Variants in ADGRD1 observed in about 807,000 individuals in gnomAD.
ADGRD1 encodes adhesion G protein-coupled receptor D1.
A neutral mutation model predicts 113.4 loss-of-function variants in ADGRD1; 77 were observed. The observed-to-expected ratio is 0.68, with a 90% CI of 0.57 to 0.82. ADGRD1 has a LOEUF of 0.82. Among genes scored for constraint, ADGRD1 ranks in the 40% least tolerant of loss-of-function variants. The pLI is 0.00. For synonymous variants in ADGRD1, 474 were observed against 475.0 expected (o/e 1.00, Z 0.03); for missense variants, 1,036 against 1,139.1 (o/e 0.91, Z 1.30).
At chr12:130,994,287 G>T (rs1029228695) in intron 8 of ADGRD1, 19 of 449,164 alleles carry the variant, frequency 4.2e-5, no homozygotes, top group African/African-American at 8.0e-5. Flanking sequence ...TTATTAATAC[G>T]AACACTCTTG....
chr12:131,136,748 A>G (rs1951097892), intron 22 of ADGRD1, among the ~76,000 whole-genome samples: 1 of 152,216 alleles, frequency 6.6e-6, no homozygotes, highest in Admixed American at 6.5e-5. Flanking sequence ...ACCTATGCCC[A>G]CGCAGCACCC....
intron 17 of ADGRD1, 139 bp from the exon 18 acceptor site, chr12:131,108,585 C>G: frequency 8.3e-7 from 1 of 1,202,618 alleles, no homozygotes; most frequent in Non-Finnish European, 1.2e-6. Flanking sequence ...GCTTGAGCAA[C>G]AGGAAGATAC....
At chr12:130,975,284 A>G (rs1370936378) in intron 4 of ADGRD1, among the ~76,000 whole-genome samples, 9 of 152,016 alleles carry the variant, frequency 5.9e-5, no homozygotes. Context: ...TCTTCCCACA[A>G]CTTGCACGGC....
At chr12:131,109,734 C>G (rs934716599) in intron 18 of ADGRD1, among the ~76,000 whole-genome samples, 1 of 152,158 alleles carries the variant, frequency 6.6e-6, no homozygotes, top group Non-Finnish European at 1.5e-5. Flanking sequence ...CTACAGATAC[C>G]TGTTAGGCCT....
intron 13 of ADGRD1, among the ~76,000 whole-genome samples, chr12:131,018,171 C>T (rs1163631066): frequency 2.0e-5 from 3 of 152,116 alleles, no homozygotes; most frequent in East Asian, 1.9e-4. Flanking sequence ...AGGGGCCTCA[C>T]GCCTATCCGC....
In ADGRD1 at chr12:131,025,922, G is replaced by A. The variant is rs1593065391; in HGVS notation, c.1473+11582G>A. The A allele has an allele frequency of 5.2e-5, 8 of 152,426 alleles. 1 individual carries two copies. The highest frequency in any genetic ancestry group is 4.6e-4 in the Admixed American group (7 of 15,310). 9.4% of individuals were successfully genotyped at this position (152,426 alleles called of 1,614,324 possible). On this transcript the variant is annotated intron_variant, in intron 13 of 24. Coordinates refer to ENST00000261654, the MANE Select transcript of ADGRD1 (RefSeq NM_198827.5). ...GTTGCAGGCCCATCCTGGAGGCTCTGAGGGGGCACCTGGTAAAGCCTGGGG... is the reference window on the plus strand; with the variant it reads ...GTTGCAGGCCCATCCTGGAGGCTCTAAGGGGGCACCTGGTAAAGCCTGGGG...
chr12:131,053,852 G>A (rs564277170), intron 13 of ADGRD1, among the ~76,000 whole-genome samples: 15 of 152,188 alleles, frequency 9.9e-5, no homozygotes, highest in Non-Finnish European at 2.2e-4. Flanking sequence ...AGCACCGATA[G>A]CCCACCAGTG....
chr12:131,077,077 G>A (rs1043092788), intron 14 of ADGRD1, among the ~76,000 whole-genome samples: 4 of 152,210 alleles, frequency 2.6e-5, no homozygotes, highest in Non-Finnish European at 5.9e-5. Flanking sequence ...CATGCGAGGA[G>A]GGGCCTGCTG....
chr12:130,995,554 G>A (rs1844037838), intron 8 of ADGRD1, among the ~76,000 whole-genome samples: 1 of 152,190 alleles, frequency 6.6e-6, no homozygotes, highest in African/African-American at 2.4e-5. Context: ...GTGGGGAGTA[G>A]AGAGAGGTAG....
At position 131,003,834 on chromosome 12, in the gene ADGRD1, C is replaced by A. The variant is rs1876714304; in HGVS notation, c.1145-352C>A. On this transcript the variant is annotated intron_variant, in intron 10 of 24. Coordinates refer to ENST00000261654, the MANE Select transcript of ADGRD1 (RefSeq NM_198827.5). The surrounding 1 kb of genome is among the most constrained non-coding windows in gnomAD (Gnocchi z 4.8). ...GTCGCAGTTTGTTGGCCGTGTTGCC[C>A]TCGCCTGCTGCGCTTGGGGAGGAGC... 2.6e-5 allele frequency among the ~76,000 whole-genome samples: 4 copies of A among 152,196 alleles called. No homozygotes were observed. Among genetic ancestry groups the A allele is most frequent in the Admixed American group, 2.0e-4 (3 of 15,284 alleles).
chr12:130,968,567 C>G, intron 3 of ADGRD1: 1 of 172,178 alleles, frequency 5.8e-6, no homozygotes, highest in Non-Finnish European at 1.2e-5. Flanking sequence ...TCATCTCACG[C>G]AGTCATTTTC....
chr12:131,002,815 C>A, intron 9 of ADGRD1: 9 of 1,235,662 alleles, frequency 7.3e-6, no homozygotes, highest in Non-Finnish European at 9.3e-6. Context: ...GGCGATCAGC[C>A]CCTCCTCGTG....
At chr12:131,082,780 CT>C (rs969471847) in intron 14 of ADGRD1, among the ~76,000 whole-genome samples, 2 of 152,184 alleles carry the variant, frequency 1.3e-5, no homozygotes, top group Non-Finnish European at 2.9e-5. Context: ...TGGGGTTTTG[CT>C]CCTCTCAGTT....
intron 13 of ADGRD1, among the ~76,000 whole-genome samples, chr12:131,036,155 AC>A (rs1881343393): frequency 6.8e-6 from 1 of 147,024 alleles, no homozygotes; most frequent in African/African-American, 2.7e-5. Flanking sequence ...AGTCTTACTC[AC>A]TGGAGGGGGT....
In ADGRD1 at chr12:131,021,993, C is replaced by T. The variant is rs116863770; in HGVS notation, c.1473+7653C>T. On this transcript the variant is annotated intron_variant, in intron 13 of 24. Transcript: ENST00000261654. ...TGCTGGGATTACAGGTATGAGCCAC[C>T]GCGCTCGGCCCTGATCTCTTCTTAT... Among the ~76,000 whole-genome samples, 1,394 of 152,236 alleles carry T rather than the reference C, an allele frequency of 9.2e-3. 19 individuals are homozygous for T. The highest frequency in any genetic ancestry group is 0.027 in the Middle Eastern group (8 of 292).
chr12:131,111,844 C>T (rs995262517), intron 18 of ADGRD1, among the ~76,000 whole-genome samples: 1 of 152,056 alleles, frequency 6.6e-6, no homozygotes, highest in Non-Finnish European at 1.5e-5. Context: ...CATTCCTTTA[C>T]TTTTTCAATG....
rs189007948 is a variant in ADGRD1 at position 131,105,758 on chromosome 12, G to A, written c.1780G>A (p.Val594Met). 6.9e-6 allele frequency: 11 copies of A among 1,600,614 alleles called. No individual in the cohort carries two copies. Among genetic ancestry groups the A allele is most frequent in the Admixed American group, 1.7e-5 (1 of 59,992 alleles). The change falls in exon 17 of 25, where the codon GTG (valine) becomes ATG (methionine). Residue 594 changes from valine to methionine, a missense_variant. Physicochemically the swap from Val to Met is conservative, Grantham distance 21. Transcript: ENST00000261654. ...ACACCCTGCCTCTGTCCTCAGCTCCGTGAGCACCATCCGGAACCAGCGCTA... is the reference window on the plus strand; with the variant it reads ...ACACCCTGCCTCTGTCCTCAGCTCCATGAGCACCATCCGGAACCAGCGCTA... ...TLVTFAVLSS[V>M]STIRNQRYHI...
rs770561309 is a variant in ADGRD1 at position 130,987,266 on chromosome 12, A to G, written c.662A>G (p.Glu221Gly). ...GSEQDQAKCY[E>G]NGAFDEFIIW... Reference sequence around the variant, plus strand: ...GAGCAGGACCAGGCCAAGTGTTATGAGAACGGTGCTTTCGATGAGTTCATC... The same window carrying G: ...GAGCAGGACCAGGCCAAGTGTTATGGGAACGGTGCTTTCGATGAGTTCATC... Residue 221 changes from glutamate (E) to glycine (G), a missense_variant, in exon 6 of 25, where the codon GAG becomes GGG. Physicochemically the swap from Glu to Gly is moderately conservative, Grantham distance 98. Coordinates refer to ENST00000261654, the MANE Select transcript of ADGRD1 (RefSeq NM_198827.5). 6.2e-7 allele frequency: 1 copy of G among 1,614,228 alleles called. No homozygotes were observed. The highest frequency in any genetic ancestry group is 1.1e-5 in the South Asian group (1 of 91,086).
intron 15 of ADGRD1, among the ~76,000 whole-genome samples, chr12:131,093,454 C>T (rs1409376288): frequency 1.3e-5 from 2 of 152,196 alleles, no homozygotes; most frequent in South Asian, 2.1e-4. Flanking sequence ...CCGTGCCCCG[C>T]GGTTACCCAG....
Sources: gnomAD v4.1 joint callset for allele counts (sites outside exome capture counted in the v4.1 genomes callset) on GRCh38, gnomAD v4.1.1 for gene constraint, Gnocchi (gnomAD v3.1) non-coding constraint, MANE v1.5 for transcripts, NCBI Gene and HGNC (gene_info 2026-07-23, HGNC 2026-07-21) for gene names.